Variants in ZNF132 observed in about 807,000 individuals in gnomAD.
ZNF132 encodes the protein zinc finger protein 132.
A neutral mutation model predicts 9.3 loss-of-function variants in ZNF132; 6 were observed. The observed-to-expected ratio is 0.65, with a 90% CI of 0.35 to 1.28. The LOEUF (loss-of-function observed/expected upper bound fraction) is 1.28, where lower values mean the gene tolerates loss of function less well. ZNF132 is among the 50% of genes most tolerant of loss of function. ZNF132 has a pLI of 0.03. For synonymous variants in ZNF132, 296 were observed against 292.0 expected (o/e 1.01, Z -0.14); for missense variants, 877 against 843.2 (o/e 1.04, Z -0.50).
At chr19:58,439,395 G>A (rs2052789754) in intron 1 of ZNF132, among the ~76,000 whole-genome samples, 1 of 152,188 alleles carries the variant, frequency 6.6e-6, no homozygotes, top group South Asian at 2.1e-4. Context: ...TCCTCAGGCT[G>A]CCATTCCAGG....
At chr19:58,438,665 G>A (rs2052785897) in intron 1 of ZNF132, among the ~76,000 whole-genome samples, 1 of 151,830 alleles carries the variant, frequency 6.6e-6, no homozygotes, top group South Asian at 2.1e-4. Context: ...AGTAGAGATG[G>A]GGTTTCACCG....
chr19:58,439,766 G>C lies in ZNF132; in HGVS notation c.56C>G (p.Pro19Arg), dbSNP rs370978905. 6.5e-7 allele frequency: 1 copy of C among 1,542,970 alleles called. No individual in the cohort carries two copies. Among genetic ancestry groups the C allele is most frequent in the East Asian group, 2.5e-5 (1 of 39,916 alleles). The part of the protein sequence containing the change: ...LMGLPALLMG[P>R]AQHTSWPCGS... ...GGGGCACACTCCACTTACCTGCGCC[G>C]GGCCCATCAGCAACGCTGGCAACCC... The change falls in exon 1 of 3, where the codon CCG (proline) becomes CGG (arginine). Residue 19 changes from proline to arginine, a missense_variant. Coordinates refer to ENST00000254166, the MANE Select transcript of ZNF132 (RefSeq NM_003433.4).
rs1362318502 is a variant in ZNF132 at position 58,433,673 on chromosome 19, T to C, written c.1771A>G (p.Lys591Glu). 1.2e-6 allele frequency: 2 copies of C among 1,614,182 alleles called. No individual in the cohort carries two copies. The highest frequency in any genetic ancestry group is 8.5e-7 in the Non-Finnish European group (1 of 1,179,974). The change falls in exon 3 of 3, where the codon AAA becomes GAA. Residue 591 changes from lysine (K) to glutamate (E), a missense_variant. Transcript: ENST00000254166. ...TAAGGCTTTTCTCCAGTATGAACTT[T>C]CTGATGCTTAATGAGAATGGAGTTT... is the stretch of plus-strand genomic sequence containing the variant. ...SQNSILIKHQ[K>E]VHTGEKPYKC...
rs759586035 is a variant in ZNF132 at position 58,433,717 on chromosome 19, C to T, written c.1727G>A (p.Cys576Tyr). 8 of 1,612,474 alleles carry T rather than the reference C, an allele frequency of 5.0e-6. No homozygotes were observed. Among genetic ancestry groups the T allele is most frequent in the Non-Finnish European group, 5.9e-6 (7 of 1,178,592 alleles). Residue 576 changes from cysteine to tyrosine, a missense_variant, in exon 3 of 3, where the codon TGT becomes TAT. Transcript: ENST00000254166. The part of the protein sequence containing the change: ...TKERPYECNE[C>Y]GKFFSQNSIL... ...GGAGTTTTGGCTAAAGAATTTCCCA[C>T]ATTCATTGCACTCATAAGGCCTTTC...
rs767254456 is a variant in ZNF132 at position 58,433,300 on chromosome 19, A to C, written c.*23T>G. 6.3e-7 allele frequency: 1 copy of C among 1,583,968 alleles called. No individual in the cohort carries two copies. The highest frequency in any genetic ancestry group is 1.1e-5 in the South Asian group (1 of 87,004). On this transcript the variant is annotated 3_prime_UTR_variant, in exon 3 of 3. Transcript: ENST00000254166. ...GACTTGGCTGAAGATTTTCTCACAAAGACCACTTCCATAAGGCTCCACTCA... is the reference window on the plus strand; with the variant it reads ...GACTTGGCTGAAGATTTTCTCACAACGACCACTTCCATAAGGCTCCACTCA...
chr19:58,433,722 A>C lies in ZNF132; in HGVS notation c.1722T>G (p.Asn574Lys), dbSNP rs3764529. 1 of 1,613,966 alleles carries C rather than the reference A, an allele frequency of 6.2e-7. No homozygotes were observed. The highest frequency in any genetic ancestry group is 1.1e-5 in the South Asian group (1 of 91,088). ...TTTGGCTAAAGAATTTCCCACATTC[A>C]TTGCACTCATAAGGCCTTTCTTTTG... The part of the protein sequence containing the change: ...VHTKERPYEC[N>K]ECGKFFSQNS... Residue 574 changes from asparagine (N) to lysine (K), a missense_variant, in exon 3 of 3, where the codon AAT becomes AAG. By Grantham distance (94) the Asn-to-Lys change is moderately conservative (BLOSUM62 0). Transcript: ENST00000254166.
intron 1 of ZNF132, among the ~76,000 whole-genome samples, chr19:58,439,291 C>T (rs1423767048): frequency 1.3e-5 from 2 of 152,206 alleles, no homozygotes; most frequent in Admixed American, 6.5e-5. Flanking sequence ...CACTAGGCAT[C>T]CATAGGGCGT....
In ZNF132 at chr19:58,433,389, A is replaced by G. The variant is rs1256795034; in HGVS notation, c.2055T>C (p.Cys685=). The G allele has an allele frequency of 6.2e-7, 1 of 1,614,198 alleles. No individual in the cohort carries two copies. The highest frequency in any genetic ancestry group is 8.5e-7 in the Non-Finnish European group (1 of 1,180,026). The change falls in exon 3 of 3, where the codon TGT becomes TGC. Residue 685 remains cysteine, a synonymous_variant. Transcript: ENST00000254166. ...KVHTRERTYE[C]SQCGKLFSHL... ...GGCTGAAGAGTTTCCCACACTGGCT[A>G]CACTCATAAGTCCTTTCTCTGGTGT...
Position 58,434,137 on chromosome 19 carries a change from C to T in ZNF132, c.1307G>A (p.Cys436Tyr). The change falls in exon 3 of 3, where the codon TGT becomes TAT. Residue 436 changes from cysteine to tyrosine, a missense_variant. Transcript: ENST00000254166. Reference sequence around the variant, plus strand: ...GGAGTTATTGTTAAAAGCTCTTCCACATTCACTGCATTCATACGGTCTTTC... The same window carrying T: ...GGAGTTATTGTTAAAAGCTCTTCCATATTCACTGCATTCATACGGTCTTTC... ...TGERPYECSE[C>Y]GRAFNNNSNL... The T allele has an allele frequency of 6.2e-7, 1 of 1,614,178 alleles. No individual in the cohort carries two copies. Among genetic ancestry groups the T allele is most frequent in the Non-Finnish European group, 8.5e-7 (1 of 1,180,044 alleles).
At position 58,433,695 on chromosome 19, in the gene ZNF132, G is replaced by A; in HGVS notation, c.1749C>T (p.Asn583=). 6.2e-7 allele frequency: 1 copy of A among 1,610,120 alleles called. No homozygotes were observed. Among genetic ancestry groups the A allele is most frequent in the South Asian group, 1.1e-5 (1 of 90,920 alleles). The part of the protein sequence containing the change: ...CNECGKFFSQ[N]SILIKHQKVH... ...CTTTCTGATGCTTAATGAGAATGGA[G>A]TTTTGGCTAAAGAATTTCCCACATT... The change falls in exon 3 of 3, where the codon AAC becomes AAT. Residue 583 remains asparagine, a synonymous_variant. Transcript: ENST00000254166.
intron 2 of ZNF132, 171 bp downstream of exon 2, chr19:58,436,876 G>T: frequency 1.1e-6 from 1 of 918,422 alleles, no homozygotes; most frequent in Non-Finnish European, 1.8e-6. Flanking sequence ...AGGCTGCTCA[G>T]AGAGAGACAG....
chr19:58,435,025 T>A lies in ZNF132; in HGVS notation c.419A>T (p.Lys140Ile). The change falls in exon 3 of 3, where the codon AAA becomes ATA. Residue 140 changes from lysine to isoleucine, a missense_variant. By Grantham distance (102) the Lys-to-Ile change is moderately radical. Coordinates refer to ENST00000254166, the MANE Select transcript of ZNF132 (RefSeq NM_003433.4). Reference sequence around the variant, plus strand: ...CCCACATGCTCCACATGTGTAGGGTTTCTCCTCAGACTGTGTTCCCTGATG... The same window carrying A: ...CCCACATGCTCCACATGTGTAGGGTATCTCCTCAGACTGTGTTCCCTGATG... ...AEHQGTQSEE[K>I]PYTCGACGRD... 2 of 1,614,186 alleles carry A rather than the reference T, an allele frequency of 1.2e-6. No homozygotes were observed. Among genetic ancestry groups the A allele is most frequent in the South Asian group, 2.2e-5 (2 of 91,074 alleles).
At position 58,433,002 on chromosome 19, in the gene ZNF132, G is replaced by GGGTCA; in HGVS notation, c.*320_*321insTGACC. 4.7e-6 allele frequency: 1 copy of GGGTCA among 211,912 alleles called. No individual in the cohort carries two copies. Among genetic ancestry groups the GGGTCA allele is most frequent in the Non-Finnish European group, 9.3e-6 (1 of 107,130 alleles). The allele number at this position is 211,912 out of a possible 1,614,324, so 13.1% of individuals were successfully genotyped here. ...CCCTCAAGGCCCCTCAACCAGCATC[G>GGGTCA]GTTCAGCTGAGCACAGTCCTGAATC... is the stretch of plus-strand genomic sequence containing the variant. On this transcript the variant is annotated 3_prime_UTR_variant, in exon 3 of 3. Coordinates refer to ENST00000254166, the MANE Select transcript of ZNF132 (RefSeq NM_003433.4).
rs1292163155 is a variant in ZNF132, at chr19:58,440,044, T to C, written c.-223A>G. On this transcript the variant is annotated 5_prime_UTR_variant, in exon 1 of 3. Transcript: ENST00000254166. Reference sequence around the variant, plus strand: ...AAGCAGAGTAATTAGCCGGGCACTATGGTGCGTGTGAAGGCGCGGTGACGG... The same window carrying C: ...AAGCAGAGTAATTAGCCGGGCACTACGGTGCGTGTGAAGGCGCGGTGACGG... 1 of 545,990 alleles carries C rather than the reference T, an allele frequency of 1.8e-6. No homozygotes were observed. The allele number at this position is 545,990 out of a possible 1,614,324, so 33.8% of individuals were successfully genotyped here.
In ZNF132 at chr19:58,434,017, C is replaced by T. The variant is rs140714420; in HGVS notation, c.1427G>A (p.Arg476Gln). Reference protein sequence around the residue: ...RDFSQSSHLLRHQKVHTGERP... With the variant: ...RDFSQSSHLLQHQKVHTGERP... ...TTCTCCAGTGTGAACTTTCTGATGT[C>T]GAAGGAGATGGGAGCTTTGGCTGAA... The change falls in exon 3 of 3, where the codon CGA (arginine) becomes CAA (glutamine). Residue 476 changes from arginine (R) to glutamine (Q), a missense_variant. Arg to Gln is a conservative substitution (Grantham distance 43). Coordinates refer to ENST00000254166, the MANE Select transcript of ZNF132 (RefSeq NM_003433.4). The T allele has an allele frequency of 1.9e-5, 30 of 1,613,838 alleles. No individual in the cohort carries two copies. Among genetic ancestry groups the T allele is most frequent in the Middle Eastern group, 3.3e-4 (2 of 6,084 alleles).
At chr19:58,437,021 A>G (rs760627533) in intron 2 of ZNF132, 26 bp downstream of exon 2, 11 of 1,614,046 alleles carry the variant, frequency 6.8e-6, no homozygotes, top group Non-Finnish European at 8.5e-6. Context: ...TAAGGTAGTC[A>G]TCACCATGCT....
At chr19:58,439,618 C>T in intron 1 of ZNF132, 141 bp downstream of exon 1, 1 of 842,686 alleles carries the variant, frequency 1.2e-6, no homozygotes, top group South Asian at 2.1e-5. Flanking sequence ...GTAAGTGACT[C>T]CCAGGGCAGG....
At position 58,433,685 on chromosome 19, in the gene ZNF132, T is replaced by C. The variant is rs1028134336; in HGVS notation, c.1759A>G (p.Ile587Val). 20 of 1,610,150 alleles carry C rather than the reference T, an allele frequency of 1.2e-5. No individual in the cohort carries two copies. The highest frequency in any genetic ancestry group is 3.3e-5 in the South Asian group (3 of 90,942). ...CCAGTATGAACTTTCTGATGCTTAA[T>C]GAGAATGGAGTTTTGGCTAAAGAAT... ...GKFFSQNSIL[I>V]KHQKVHTGEK... is the part of the protein sequence containing the mutation. Residue 587 changes from isoleucine (I) to valine (V), a missense_variant, in exon 3 of 3, where the codon ATT becomes GTT. Transcript: ENST00000254166.
chr19:58,436,796 C>G (rs962258681), intron 2 of ZNF132: 1 of 601,390 alleles, frequency 1.7e-6, no homozygotes, highest in Non-Finnish European at 3.1e-6. Flanking sequence ...GTTAGGCAGA[C>G]TGGAGGTGTC....
Sources: allele counts gnomAD v4.1 joint callset (sites outside exome capture counted in the v4.1 genomes callset), GRCh38; gene constraint gnomAD v4.1.1; transcripts MANE v1.5; gene names NCBI Gene and HGNC (gene_info 2026-07-23, HGNC 2026-07-21).